Variants in SURF1 observed in about 807,000 individuals in gnomAD.
SURF1 encodes the protein SURF1 cytochrome c oxidase assembly factor.
A neutral mutation model predicts 34.1 loss-of-function variants in SURF1; 45 were observed. That is an observed-to-expected ratio of 1.32 (90% CI 1.04 to 1.69). SURF1 has a LOEUF of 1.69. Ranked by LOEUF, SURF1 falls within the 40% of genes most tolerant of loss-of-function variation. The probability of loss-of-function intolerance (pLI) is 0.00; values close to 1 mark genes in which losing one functional copy is unlikely to be tolerated. For synonymous variants in SURF1, 188 were observed against 147.5 expected, an observed-to-expected ratio of 1.27 and a Z score of -1.99; for missense variants, 456 against 384.6, an observed-to-expected ratio of 1.19 and a Z score of -1.55.
At chr9:133,355,455 G>C (rs1048895688) in intron 2 of SURF1, among the ~76,000 whole-genome samples, 6 of 152,188 alleles carry the variant, frequency 3.9e-5, no homozygotes, top group African/African-American at 1.2e-4. Context: ...TGGTGCTTCT[G>C]TAATCCCAGC....
rs945343783 is a variant in SURF1, at chr9:133,352,586, A to ATGAGG, written c.606_610dup (p.Ile204ThrfsTer6). The ATGAGG allele has an allele frequency of 2.5e-6, 4 of 1,614,072 alleles. No homozygotes were observed. The African/African-American group carries it at 5.3e-5, about 22-fold the overall frequency. On this transcript the variant is annotated frameshift_variant, in exon 7 of 9. Coordinates refer to ENST00000371974, the MANE Select transcript of SURF1 (RefSeq NM_003172.4). LOFTEE classifies it high-confidence loss of function. ...GGTTTCTGTCAGCCTCACCATCCCA[A>ATGAGG]TGAGGTCCACTTCTCCCTCAATCTA...
chr9:133,354,988 C>T, intron 2 of SURF1, 31 bp from the exon 3 acceptor site: 1 of 1,611,122 alleles, frequency 6.2e-7, no homozygotes, highest in Non-Finnish European at 8.5e-7. Context: ...GACATGGAGC[C>T]AGAAGCCCTC....
chr9:133,352,811 TA>T (rs2130010485), intron 5 of SURF1, 45 bp from the exon 6 acceptor site: 1 of 1,573,002 alleles, frequency 6.4e-7, no homozygotes, highest in South Asian at 1.1e-5. Flanking sequence ...GGTTTTTGAC[TA>T]AAGACAGTCA....
rs1196972648 is a variant in SURF1, at chr9:133,356,431, T to TGCAACGCAGCCACCGCC, written c.6_22dup (p.Gln8ArgfsTer70). 1 of 1,405,494 alleles carries TGCAACGCAGCCACCGCC rather than the reference T, an allele frequency of 7.1e-7. No homozygotes were observed. Among genetic ancestry groups the TGCAACGCAGCCACCGCC allele is most frequent in the Non-Finnish European group, 9.3e-7 (1 of 1,081,048 alleles). 87.1% of individuals were successfully genotyped at this position (1,405,494 alleles called of 1,614,324 possible). On this transcript the variant is annotated frameshift_variant, in exon 1 of 9. Transcript: ENST00000371974. LOFTEE classifies it high-confidence loss of function. ...CAGCCCCGCCGCCCGCAGCCCCAGCTGCAACGCAGCCACCGCCGCCATCGC... is the reference window on the plus strand; with the variant it reads ...CAGCCCCGCCGCCCGCAGCCCCAGCTGCAACGCAGCCACCGCCGCAACGCAGCCACCGCCGCCATCGC...
At position 133,351,899 on chromosome 9, in the gene SURF1, C is replaced by T. The variant is rs2130002343; in HGVS notation, c.*14G>A. ...ACTGCATTATCCAGGGACAGGGCTT[C>T]AGCAGCTGATCTGTCACACACCAGG... On this transcript the variant is annotated 3_prime_UTR_variant, in exon 9 of 9. Coordinates refer to ENST00000371974, the MANE Select transcript of SURF1 (RefSeq NM_003172.4). 1 of 1,612,566 alleles carries T rather than the reference C, an allele frequency of 6.2e-7. No individual in the cohort carries two copies. The highest frequency in any genetic ancestry group is 8.5e-7 in the Non-Finnish European group (1 of 1,179,400).
At position 133,351,875 on chromosome 9, in the gene SURF1, C is replaced by G; in HGVS notation, c.*38G>C. On this transcript the variant is annotated 3_prime_UTR_variant, in exon 9 of 9. Transcript: ENST00000371974. The stretch of plus-strand genomic sequence containing the variant: ...CCAGCATAAAGGCAGTCTTGAAATA[C>G]TGCATTATCCAGGGACAGGGCTTCA... 2 of 1,602,224 alleles carry G rather than the reference C, an allele frequency of 1.2e-6. No homozygotes were observed. Among genetic ancestry groups the G allele is most frequent in the South Asian group, 2.2e-5 (2 of 89,460 alleles).
Position 133,354,881 on chromosome 9 carries a change from A to G in SURF1, c.183T>C (p.Phe61=). Reference sequence around the variant, plus strand: ...GGATGAGGAGCAGGACCCACTGAAGAAAGGAGTCATCTTCCGCTTTTGTGG... The same window carrying G: ...GGATGAGGAGCAGGACCCACTGAAGGAAGGAGTCATCTTCCGCTTTTGTGG... ...ASATKAEDDS[F]LQWVLLLIPV... Residue 61 remains phenylalanine, a synonymous_variant, in exon 3 of 9, where the codon TTT becomes TTC. Coordinates refer to ENST00000371974, the MANE Select transcript of SURF1 (RefSeq NM_003172.4). The G allele has an allele frequency of 1.2e-6, 2 of 1,614,034 alleles. No homozygotes were observed. The highest frequency in any genetic ancestry group is 1.7e-6 in the Non-Finnish European group (2 of 1,180,036).
Position 133,356,448 on chromosome 9 carries a change from C to T in SURF1, c.6G>A (p.Ala2=), listed in dbSNP as rs997217991. Residue 2 remains alanine, a synonymous_variant, in exon 1 of 9, where the codon GCG becomes GCA. Coordinates refer to ENST00000371974, the MANE Select transcript of SURF1 (RefSeq NM_003172.4). ...GCCCCAGCTGCAACGCAGCCACCGC[C>T]GCCATCGCACCCGGCCCCGCGGGCG... M[A]AVAALQLGLR... 7.0e-7 allele frequency: 1 copy of T among 1,419,856 alleles called. No individual in the cohort carries two copies. Among genetic ancestry groups the T allele is most frequent in the East Asian group, 3.1e-5 (1 of 32,334 alleles). 88.0% of individuals were successfully genotyped at this position (1,419,856 alleles called of 1,614,324 possible).
chr9:133,352,632 T>C, intron 6 of SURF1, 24 bp from the exon 7 acceptor site: 1 of 1,614,092 alleles, frequency 6.2e-7, no homozygotes, highest in Non-Finnish European at 8.5e-7. Context: ...TGTGTGAGAT[T>C]GCATGGAGCC....
chr9:133,351,893 G>A lies in SURF1; in HGVS notation c.*20C>T, dbSNP rs1836419829. Reference sequence around the variant, plus strand: ...TGAAATACTGCATTATCCAGGGACAGGGCTTCAGCAGCTGATCTGTCACAC... The same window carrying A: ...TGAAATACTGCATTATCCAGGGACAAGGCTTCAGCAGCTGATCTGTCACAC... On this transcript the variant is annotated 3_prime_UTR_variant, in exon 9 of 9. Transcript: ENST00000371974. 1 of 1,611,696 alleles carries A rather than the reference G, an allele frequency of 6.2e-7. No individual in the cohort carries two copies. The highest frequency in any genetic ancestry group is 1.3e-5 in the African/African-American group (1 of 75,014).
At chr9:133,352,387 G>A (rs1588689388) in intron 7 of SURF1, 59 bp downstream of exon 7, 1 of 1,612,978 alleles carries the variant, frequency 6.2e-7, no homozygotes, top group Non-Finnish European at 8.5e-7. Context: ...TGAGGGTTAG[G>A]AGGAAGGACA....
chr9:133,351,850 C>G lies in SURF1; in HGVS notation c.*63G>C. 1 of 1,543,844 alleles carries G rather than the reference C, an allele frequency of 6.5e-7. No individual in the cohort carries two copies. The highest frequency in any genetic ancestry group is 8.9e-7 in the Non-Finnish European group (1 of 1,126,990). ...GAACTTTATACCAGTAGCACATGAT[C>G]CAGCATAAAGGCAGTCTTGAAATAC... On this transcript the variant is annotated 3_prime_UTR_variant, in exon 9 of 9. Transcript: ENST00000371974.
Position 133,352,440 on chromosome 9 carries a change from A to G in SURF1, c.751+6T>C, listed in dbSNP as rs2130006860. ...TTGTTCCGAGATGGGCTGGTCCACA[A>G]CGTACGGAAGTTGGCATCAATGAAG... On this transcript the variant is annotated splice_donor_region_variant and intron_variant, in intron 7 of 8. Coordinates refer to ENST00000371974, the MANE Select transcript of SURF1 (RefSeq NM_003172.4). 4.5e-3 allele frequency: 7,209 copies of G among 1,614,184 alleles called. 69 individuals carry two copies. The highest frequency in any genetic ancestry group is 0.037 in the African/African-American group (2,777 of 75,040).
Position 133,351,878 on chromosome 9 carries a change from C to G in SURF1, c.*35G>C. 1 of 1,605,282 alleles carries G rather than the reference C, an allele frequency of 6.2e-7. No homozygotes were observed. ...GCATAAAGGCAGTCTTGAAATACTGCATTATCCAGGGACAGGGCTTCAGCA... is the reference window on the plus strand; with the variant it reads ...GCATAAAGGCAGTCTTGAAATACTGGATTATCCAGGGACAGGGCTTCAGCA... On this transcript the variant is annotated 3_prime_UTR_variant, in exon 9 of 9. Coordinates refer to ENST00000371974, the MANE Select transcript of SURF1 (RefSeq NM_003172.4).
At chr9:133,353,718 A>C (rs201559683) in intron 5 of SURF1, 31 bp downstream of exon 5, 9 of 1,612,706 alleles carry the variant, frequency 5.6e-6, no homozygotes, top group Non-Finnish European at 7.6e-6. Flanking sequence ...TGCCTCTGCC[A>C]GGACAGCCAG....
intron 3 of SURF1, 35 bp downstream of exon 3, chr9:133,354,789 G>A (rs1271221642): frequency 1.2e-6 from 2 of 1,613,726 alleles, no homozygotes; most frequent in East Asian, 4.5e-5. Flanking sequence ...AAGGTCAAGG[G>A]CCCAGAGTTA....
chr9:133,354,267 C>T, intron 4 of SURF1: 1 of 500,216 alleles, frequency 2.0e-6, no homozygotes, highest in Non-Finnish European at 3.6e-6. Flanking sequence ...ATATACCTAT[C>T]TCTGTAGGGC....
At position 133,354,960 on chromosome 9, in the gene SURF1, GGA is replaced by G. The variant is rs2130019940; in HGVS notation, c.107-5_107-4del. On this transcript the variant is annotated splice_region_variant and splice_polypyrimidine_tract_variant and intron_variant, in intron 2 of 8. Coordinates refer to ENST00000371974, the MANE Select transcript of SURF1 (RefSeq NM_003172.4). ...TCTGCTTGGCCTCCAGGCCACCCCT[GGA>G]GAGTTTCACAACACTGACATGGAGC... is the stretch of plus-strand genomic sequence containing the variant. 4 of 1,613,056 alleles carry G rather than the reference GGA, an allele frequency of 2.5e-6. No individual in the cohort carries two copies. The East Asian group carries it at 6.7e-5, about 27-fold the overall frequency.
At position 133,352,157 on chromosome 9, in the gene SURF1, G is replaced by A. The variant is rs1418979256; in HGVS notation, c.752-15C>T. On this transcript the variant is annotated splice_polypyrimidine_tract_variant and intron_variant, in intron 7 of 8. Coordinates refer to ENST00000371974, the MANE Select transcript of SURF1 (RefSeq NM_003172.4). ...GACTGTGCTCTCTGTGGAGACAGCA[G>A]ACTCAAGTCCACCCCCTACTGGCCT... 5 of 1,583,402 alleles carry A rather than the reference G, an allele frequency of 3.2e-6. No homozygotes were observed. The highest frequency in any genetic ancestry group is 4.3e-6 in the Non-Finnish European group (5 of 1,163,872).
Sources: gnomAD v4.1 joint callset for allele counts (sites outside exome capture counted in the v4.1 genomes callset) on GRCh38, gnomAD v4.1.1 for gene constraint, MANE v1.5 for transcripts, NCBI Gene and HGNC (gene_info 2026-07-23, HGNC 2026-07-21) for gene names.